AMN1: variants seen among roughly 807,000 people sequenced by gnomAD.
The protein encoded by AMN1 is antagonist of mitotic exit network 1 homolog, also known as protein AMN1 homolog.
AMN1 carries 20 observed loss-of-function variants against 33.0 expected under a neutral mutation model. The ratio of observed to expected loss-of-function variants is 0.61; its 90% CI spans 0.43 to 0.88. The LOEUF (loss-of-function observed/expected upper bound fraction) is 0.88. Ranked by LOEUF, AMN1 falls within the 40% of genes least tolerant of loss-of-function variation. AMN1 has a pLI of 0.00. For synonymous variants in AMN1, 114 were observed against 111.9 expected, an observed-to-expected ratio of 1.02 and a Z score of -0.12; for missense variants, 246 against 307.4, an observed-to-expected ratio of 0.80 and a Z score of 1.49.
intron 6 of AMN1, among the ~76,000 whole-genome samples, chr12:31,679,638 C>T (rs1170635555): frequency 1.3e-5 from 2 of 152,178 alleles, no homozygotes; most frequent in Non-Finnish European, 2.9e-5. Context: ...ATTCTCCTGC[C>T]TCTCAGGGTA....
At chr12:31,717,778 T>C (rs1939732910) in intron 1 of AMN1, among the ~76,000 whole-genome samples, 1 of 152,138 alleles carries the variant, frequency 6.6e-6, no homozygotes, top group South Asian at 2.1e-4. Context: ...TAGGTATACA[T>C]GTGCCATGGT....
intron 5 of AMN1, among the ~76,000 whole-genome samples, chr12:31,692,963 C>A (rs1052010990): frequency 6.6e-6 from 1 of 152,124 alleles, no homozygotes; most frequent in African/African-American, 2.4e-5. Context: ...ATAAAATGAA[C>A]AAAATGATGA....
chr12:31,701,345 T>G (rs140255545), intron 3 of AMN1, among the ~76,000 whole-genome samples: 1 of 152,166 alleles, frequency 6.6e-6, no homozygotes, highest in Admixed American at 6.5e-5. Context: ...TCACCCAGGC[T>G]GGAGTAGTGG....
chr12:31,684,672 C>T (rs958902060), intron 6 of AMN1, among the ~76,000 whole-genome samples: 14 of 152,058 alleles, frequency 9.2e-5, no homozygotes, highest in East Asian at 1.9e-4. Flanking sequence ...AGGGTTTCAC[C>T]GTGTTAGCCA....
chr12:31,682,607 C>T (rs917311500), intron 6 of AMN1, among the ~76,000 whole-genome samples: 3 of 151,910 alleles, frequency 2.0e-5, no homozygotes, highest in South Asian at 2.1e-4. Flanking sequence ...GGATAGTAGA[C>T]GTTGAGTGTA....
chr12:31,717,214 T>G (rs556013463), intron 1 of AMN1, among the ~76,000 whole-genome samples: 6 of 152,282 alleles, frequency 3.9e-5, no homozygotes, highest in African/African-American at 1.4e-4. Flanking sequence ...TTTCTGTTCC[T>G]GTGTTAGTTT....
chr12:31,710,886 TC>T (rs1217195712), intron 1 of AMN1, among the ~76,000 whole-genome samples: 1 of 152,182 alleles, frequency 6.6e-6, no homozygotes, highest in South Asian at 2.1e-4. Context: ...TCCCTCTACA[TC>T]CTTCCAGCAA....
At position 31,672,300 on chromosome 12, in the gene AMN1, AG is replaced by A. The variant is rs1565756072; in HGVS notation, c.*3del. ...TCCTAGCATTGATCATCTTCAAAAA[AG>A]CATCAATAAACAGTCCATGTCACTT... On this transcript the variant is annotated 3_prime_UTR_variant, in exon 7 of 7. Coordinates refer to ENST00000281471, the MANE Select transcript of AMN1 (RefSeq NM_001113402.2). 6.4e-7 allele frequency: 1 copy of A among 1,566,970 alleles called. No homozygotes were observed. Among genetic ancestry groups the A allele is most frequent in the South Asian group, 1.2e-5 (1 of 85,354 alleles).
chr12:31,728,420 A>G (rs1940168612), intron 1 of AMN1, among the ~76,000 whole-genome samples: 1 of 152,118 alleles, frequency 6.6e-6, no homozygotes, highest in Admixed American at 6.6e-5. Context: ...TATCACAAAA[A>G]TTTTATAGAT....
rs982452953 is a variant in AMN1, at chr12:31,676,483, A to G, written c.704-4106T>C. On this transcript the variant is annotated intron_variant, in intron 6 of 6. Coordinates refer to ENST00000281471, the MANE Select transcript of AMN1 (RefSeq NM_001113402.2). ...AAATTAGCCAGAATTTGGCCCCCCC[A>G]GCTAATTTTTTTGTATTTTTAGTAG... Among the ~76,000 whole-genome samples, 2 of 150,708 alleles carry G rather than the reference A, an allele frequency of 1.3e-5. 1 individual carries two copies. Among genetic ancestry groups the G allele is most frequent in the African/African-American group, 4.9e-5 (2 of 40,560 alleles).
rs779263956 is a variant in AMN1, at chr12:31,672,383, A to G, written c.704-6T>C. On this transcript the variant is annotated splice_region_variant and splice_polypyrimidine_tract_variant and intron_variant, in intron 6 of 6. Transcript: ENST00000281471. The stretch of plus-strand genomic sequence containing the variant: ...CAACACTTCTCGGGAATGATCTATA[A>G]AAGAAAACAATGACAATATATTAAT... The G allele has an allele frequency of 6.4e-7, 1 of 1,555,030 alleles. No homozygotes were observed. Among genetic ancestry groups the G allele is most frequent in the Non-Finnish European group, 8.7e-7 (1 of 1,144,554 alleles).
At chr12:31,708,902 G>A (rs1001615427) in intron 2 of AMN1, 8 of 322,196 alleles carry the variant, frequency 2.5e-5, no homozygotes, top group African/African-American at 1.1e-4. Context: ...TGTGGGCCAG[G>A]CATGGTGGCT....
chr12:31,680,457 C>G (rs1217342794), intron 6 of AMN1, among the ~76,000 whole-genome samples: 1 of 152,158 alleles, frequency 6.6e-6, no homozygotes, highest in Admixed American at 6.5e-5. Context: ...TGCCTCGGCC[C>G]CCCCACAGGG....
At chr12:31,680,774 C>T (rs1019167437) in intron 6 of AMN1, among the ~76,000 whole-genome samples, 8 of 152,078 alleles carry the variant, frequency 5.3e-5, no homozygotes, top group Non-Finnish European at 1.0e-4. Flanking sequence ...CATGCATATG[C>T]AAGTATAGTA....
intron 6 of AMN1, among the ~76,000 whole-genome samples, chr12:31,678,723 A>T (rs1194056209): frequency 1.3e-5 from 2 of 152,140 alleles, no homozygotes; most frequent in African/African-American, 4.8e-5. Flanking sequence ...TTAACAAAGT[A>T]TTTTTTTCAA....
intron 1 of AMN1, among the ~76,000 whole-genome samples, chr12:31,723,769 C>T (rs1175616870): frequency 6.6e-6 from 1 of 152,098 alleles, no homozygotes; most frequent in Non-Finnish European, 1.5e-5. Context: ...GGGTGTGTAG[C>T]CTACAAAGCT....
intron 2 of AMN1, among the ~76,000 whole-genome samples, chr12:31,705,491 CA>C (rs543799623): frequency 1.3e-3 from 188 of 144,662 alleles, no homozygotes; most frequent in African/African-American, 4.3e-3. Context: ...GACCCTGTCT[CA>C]AAAAAAAAAC....
rs376553507 is a variant in AMN1, at chr12:31,721,852, C to T, written c.38+7119G>A. ...ATGGCTCATTCTCTAATGGAATAGA[C>T]TGCAATGATGCTGCTAATCAAGTAT... On this transcript the variant is annotated intron_variant, in intron 1 of 6. Coordinates refer to ENST00000281471, the MANE Select transcript of AMN1 (RefSeq NM_001113402.2). Among the ~76,000 whole-genome samples the T allele has an allele frequency of 3.9e-5, 6 of 152,282 alleles. No homozygotes were observed. In the East Asian group the frequency reaches 1.2e-3, roughly 29 times the overall value.
intron 1 of AMN1, among the ~76,000 whole-genome samples, chr12:31,717,572 G>A (rs1235330101): frequency 6.6e-6 from 1 of 152,156 alleles, no homozygotes; most frequent in Non-Finnish European, 1.5e-5. Context: ...CTTTAAACTT[G>A]TTTTAATTCA....
Sources: allele counts gnomAD v4.1 joint callset (sites outside exome capture counted in the v4.1 genomes callset), GRCh38; gene constraint gnomAD v4.1.1; transcripts MANE v1.5; gene names NCBI Gene and HGNC (gene_info 2026-07-23, HGNC 2026-07-21).